The following NXN variants were observed in gnomAD, a reference collection of about 807,000 sequenced individuals.
NXN encodes nucleoredoxin.
In NXN, 16 loss-of-function variants were observed where a neutral mutation model predicts 48.6. That is an observed-to-expected ratio of 0.33 (90% CI 0.22 to 0.50). NXN has a LOEUF of 0.50. Among genes scored for constraint, NXN ranks in the 20% least tolerant of loss-of-function variants. The pLI is 0.98. For missense variants in NXN, 492 were observed against 605.5 expected (o/e 0.81, Z 1.97); for synonymous variants, 281 against 269.6 (o/e 1.04, Z -0.41).
chr17:955,772 G>A (rs1233424221), intron 1 of NXN, among the ~76,000 whole-genome samples: 1 of 151,910 alleles, frequency 6.6e-6, no homozygotes, highest in East Asian at 2.0e-4. Flanking sequence ...CGTGGTGGCG[G>A]GCGCCTGTAG....
At chr17:925,975 T>C (rs1211037222) in intron 1 of NXN, among the ~76,000 whole-genome samples, 2 of 152,154 alleles carry the variant, frequency 1.3e-5, no homozygotes, top group Admixed American at 6.5e-5. Flanking sequence ...ATATCACCAA[T>C]AGTAGCAGCT....
intron 5 of NXN, among the ~76,000 whole-genome samples, chr17:814,164 AC>A (rs1245428156): frequency 6.9e-6 from 1 of 144,818 alleles, no homozygotes; most frequent in Non-Finnish European, 1.5e-5. Flanking sequence ...CCGGAGGCTG[AC>A]GCAGGAGAAC....
chr17:819,577 C>T (rs1264338185), intron 4 of NXN, 32 bp from the exon 5 acceptor site: 4 of 1,468,638 alleles, frequency 2.7e-6, no homozygotes, highest in African/African-American at 2.8e-5. Flanking sequence ...GGGCAAGGCT[C>T]AGTATCCCCA....
At chr17:955,162 C>CTTTTT (rs749641262) in intron 1 of NXN, among the ~76,000 whole-genome samples, 9 of 125,188 alleles carry the variant, frequency 7.2e-5, no homozygotes, top group Admixed American at 1.6e-4. Context: ...TCATCTCTTT[C>CTTTTT]TTTTTTTTTT....
intron 1 of NXN, among the ~76,000 whole-genome samples, chr17:839,895 G>C (rs975493052): frequency 1.3e-5 from 2 of 150,876 alleles, no homozygotes; most frequent in African/African-American, 4.9e-5. Context: ...TCAGGAGTTC[G>C]AGACCAGCCT....
rs2068512972 is a variant in NXN, at chr17:899,014, G to A, written c.361-72936C>T. Among the ~76,000 whole-genome samples, 5 of 128,806 alleles carry A rather than the reference G, an allele frequency of 3.9e-5. 2 individuals are homozygous for A. In the Admixed American group the frequency reaches 4.3e-4, roughly 11 times the overall value. 84.5% of individuals were successfully genotyped at this position (128,806 alleles called of 152,430 possible). On this transcript the variant is annotated intron_variant, in intron 1 of 7. Transcript: ENST00000336868. ...GCTCTGTCGCCCAGGCTGGAGTGCA[G>A]TGGCACGATCTTGGCTCACTGCAAC...
chr17:863,234 G>A (rs531168125), intron 1 of NXN, among the ~76,000 whole-genome samples: 3 of 152,062 alleles, frequency 2.0e-5, no homozygotes, highest in South Asian at 2.1e-4. Flanking sequence ...GCAGTGGCGC[G>A]ATCTCAGCTC....
intron 1 of NXN, chr17:896,854 A>AGCGGGCGCGG: frequency 1.1e-6 from 1 of 908,610 alleles, no homozygotes; most frequent in Non-Finnish European, 1.5e-6. Flanking sequence ...CGCGGTCCTG[A>AGCGGGCGCGG]CCACCCGCCC....
intron 1 of NXN, among the ~76,000 whole-genome samples, chr17:974,268 G>A (rs564466067): frequency 5.3e-5 from 8 of 151,864 alleles, no homozygotes; most frequent in South Asian, 2.1e-4. Context: ...GGAGCATGGC[G>A]TGAACCCGGG....
chr17:881,849 C>T (rs754470987), intron 1 of NXN, among the ~76,000 whole-genome samples: 9 of 152,012 alleles, frequency 5.9e-5, no homozygotes, highest in Non-Finnish European at 8.8e-5. Flanking sequence ...AAATGAAGCC[C>T]GACACAAAAT....
Position 824,468 on chromosome 17 carries a change from G to C in NXN, c.479-703C>G, listed in dbSNP as rs1380944822. Among the ~76,000 whole-genome samples, 4 of 152,322 alleles carry C rather than the reference G, an allele frequency of 2.6e-5. No homozygotes were observed. In the East Asian group the frequency reaches 5.8e-4, roughly 22 times the overall value. On this transcript the variant is annotated intron_variant, in intron 2 of 7. Transcript: ENST00000336868. ...CTCCCCAGAACTGACGAGGGACTCG[G>C]TTTGGGAATCATCGCCTCGGGGCCT...
intron 1 of NXN, among the ~76,000 whole-genome samples, chr17:856,191 CA>C (rs879924370): frequency 7.8e-4 from 106 of 135,784 alleles, no homozygotes; most frequent in African/African-American, 1.2e-3. Context: ...GACTCCGTCT[CA>C]AAAAAAAAAA....
intron 1 of NXN, among the ~76,000 whole-genome samples, chr17:910,231 G>A (rs894019603): frequency 6.6e-5 from 10 of 152,090 alleles, no homozygotes; most frequent in East Asian, 3.9e-4. Flanking sequence ...GGCCAACAGG[G>A]CGAGACCCTG....
At chr17:834,262 C>T (rs1038048520) in intron 1 of NXN, among the ~76,000 whole-genome samples, 4 of 152,160 alleles carry the variant, frequency 2.6e-5, no homozygotes, top group Non-Finnish European at 4.4e-5. Flanking sequence ...GTCAAGGCTA[C>T]GATGAGCTGT....
At chr17:802,740 A>T (rs560385274) in intron 7 of NXN, among the ~76,000 whole-genome samples, 1 of 152,192 alleles carries the variant, frequency 6.6e-6, no homozygotes, top group East Asian at 1.9e-4. Context: ...CCTGGGAAGG[A>T]CCCAGGTGCT....
At chr17:810,846 G>A (rs1001913341) in intron 5 of NXN, among the ~76,000 whole-genome samples, 1 of 152,014 alleles carries the variant, frequency 6.6e-6, no homozygotes, top group African/African-American at 2.4e-5. Flanking sequence ...CGGAGATCTT[G>A]CCACTGCACT....
intron 1 of NXN, among the ~76,000 whole-genome samples, chr17:970,491 G>C (rs1486682407): frequency 6.6e-6 from 1 of 152,100 alleles, no homozygotes; most frequent in East Asian, 1.9e-4. Flanking sequence ...GGCAGCAAGA[G>C]AGAAGAGGTT....
intron 1 of NXN, among the ~76,000 whole-genome samples, chr17:893,221 C>T (rs903833926): frequency 3.3e-5 from 5 of 152,340 alleles, no homozygotes; most frequent in Non-Finnish European, 5.9e-5. Context: ...TATCAGGCCA[C>T]GTTCCTGGAC....
At chr17:964,175 A>C (rs914902069) in intron 1 of NXN, among the ~76,000 whole-genome samples, 7 of 152,196 alleles carry the variant, frequency 4.6e-5, no homozygotes, top group African/African-American at 1.7e-4. Context: ...GAGGAATATA[A>C]ATGGCTTTCT....
Sources: gnomAD v4.1 joint callset for allele counts (sites outside exome capture counted in the v4.1 genomes callset) on GRCh38, gnomAD v4.1.1 for gene constraint, MANE v1.5 for transcripts, NCBI Gene and HGNC (gene_info 2026-07-23, HGNC 2026-07-21) for gene names.